Variants in HACL2 observed in about 807,000 individuals in gnomAD.
HACL2 encodes 2-hydroxyacyl-CoA lyase 2, also known as 2-hydroxyacyl-CoA lyase 1 like.
the HACL2 span, chr19:15,117,854 T>C: frequency 1.9e-6 from 3 of 1,613,478 alleles, no homozygotes; most frequent in Non-Finnish European, 2.5e-6. Flanking sequence ...GGAGCACATA[T>C]GTGTACGGGG....
At chr19:15,125,049 G>A in the HACL2 span, 1 of 1,553,360 alleles carries the variant, frequency 6.4e-7, no homozygotes, top group Non-Finnish European at 8.7e-7. Context: ...GGCGGCCGCG[G>A]GGGTCTCCAT....
chr19:15,121,768 C>T, the HACL2 span, among the ~76,000 whole-genome samples: 5 of 147,548 alleles, frequency 3.4e-5, no homozygotes, highest in East Asian at 2.1e-4. Flanking sequence ...GCCGAGATCA[C>T]GCCACTGCAC....
At chr19:15,116,177 G>A in the HACL2 span, 53 of 1,613,594 alleles carry the variant, frequency 3.3e-5, no homozygotes, top group African/African-American at 9.3e-5. Flanking sequence ...GCAGGGGGCC[G>A]CGGGGCTGTA....
the HACL2 span, chr19:15,125,209 G>T: frequency 1.2e-6 from 1 of 826,048 alleles, no homozygotes; most frequent in Non-Finnish European, 1.9e-6. Flanking sequence ...AACCCTGCCA[G>T]ACCACGCCCT....
At chr19:15,123,661 T>C in the HACL2 span, 2 of 1,262,474 alleles carry the variant, frequency 1.6e-6, no homozygotes, top group Admixed American at 1.9e-5. The surrounding 1 kb of genome is among the most constrained non-coding windows in gnomAD (Gnocchi z 5.1). Flanking sequence ...CTGCCCCAGG[T>C]AAGGGGGCAG....
the HACL2 span, chr19:15,119,841 G>T: frequency 1.6e-6 from 1 of 624,562 alleles, no homozygotes; most frequent in Non-Finnish European, 2.8e-6. Flanking sequence ...GTGAGCCACC[G>T]CGTCCAGCCA....
At chr19:15,116,344 A>T in the HACL2 span, 18 of 1,613,958 alleles carry the variant, frequency 1.1e-5, no homozygotes, top group Admixed American at 8.3e-5. Flanking sequence ...AGCGAAGGTC[A>T]CCAGGGTTGG....
the HACL2 span, chr19:15,123,521 G>T: frequency 6.2e-7 from 1 of 1,614,042 alleles, no homozygotes; most frequent in South Asian, 1.1e-5. This position sits in a 1 kb window ranked among gnomAD's most constrained non-coding sequence, Gnocchi z 5.1. Context: ...CACACCATGG[G>T]CCCTCAGCAC....
chr19:15,123,637 AG>A, the HACL2 span: 8 of 1,516,520 alleles, frequency 5.3e-6, no homozygotes, highest in Non-Finnish European at 7.3e-6. The surrounding 1 kb of genome is among the most constrained non-coding windows in gnomAD (Gnocchi z 5.1). Context: ...CAGCTGGGAA[AG>A]GGGGCAATCC....
the HACL2 span, chr19:15,123,111 G>A: frequency 6.2e-7 from 1 of 1,613,366 alleles, no homozygotes. The surrounding 1 kb of genome is among the most constrained non-coding windows in gnomAD (Gnocchi z 5.1). Flanking sequence ...CCAAGGACTG[G>A]GTACCTGCAG....
At chr19:15,116,239 A>C in the HACL2 span, 2 of 1,613,896 alleles carry the variant, frequency 1.2e-6, no homozygotes, top group Non-Finnish European at 1.7e-6. Context: ...ACCAGAATTG[A>C]GTTGTCAGGT....
At chr19:15,118,018 G>T in the HACL2 span, 5 of 1,614,014 alleles carry the variant, frequency 3.1e-6, no homozygotes, top group Admixed American at 8.3e-5. Flanking sequence ...CACAGTTCCT[G>T]GTGTGGGGGA....
chr19:15,118,762 C>T, the HACL2 span, among the ~76,000 whole-genome samples: 6 of 152,196 alleles, frequency 3.9e-5, no homozygotes. Context: ...GGGTGAAGAA[C>T]TCTATGACCC....
the HACL2 span, chr19:15,122,941 A>G: frequency 1.2e-6 from 2 of 1,605,684 alleles, no homozygotes; most frequent in Non-Finnish European, 1.7e-6. The surrounding 1 kb of genome is among the most constrained non-coding windows in gnomAD (Gnocchi z 4.0). Flanking sequence ...GGGTGGGCAC[A>G]ATGTCCCGCA....
the HACL2 span, among the ~76,000 whole-genome samples, chr19:15,118,481 G>A: frequency 6.6e-6 from 1 of 152,086 alleles, no homozygotes; most frequent in East Asian, 1.9e-4. Context: ...GGAAACCGGA[G>A]CCACACATAG....
At chr19:15,124,844 A>C in the HACL2 span, 1 of 1,525,520 alleles carries the variant, frequency 6.6e-7, no homozygotes, top group African/African-American at 1.4e-5. Flanking sequence ...CACCCTGCAC[A>C]ATGAGTGAGC....
At chr19:15,123,667 G>C in the HACL2 span, 1 of 1,183,876 alleles carries the variant, frequency 8.4e-7, no homozygotes, top group Non-Finnish European at 1.2e-6. This position sits in a 1 kb window ranked among gnomAD's most constrained non-coding sequence, Gnocchi z 5.1. Context: ...CAGGTAAGGG[G>C]GCAGGAGCAG....
At chr19:15,123,599 C>G in the HACL2 span, 7 of 1,600,778 alleles carry the variant, frequency 4.4e-6, no homozygotes, top group South Asian at 7.7e-5. This position sits in a 1 kb window ranked among gnomAD's most constrained non-coding sequence, Gnocchi z 5.1. Context: ...ACAGGTGGAG[C>G]AATAAAGTTA....
chr19:15,120,068 A>C, the HACL2 span: 2 of 1,549,250 alleles, frequency 1.3e-6, no homozygotes, highest in Admixed American at 3.9e-5. Flanking sequence ...TTGGCCAGGT[A>C]ATTCTCTAAA....
Sources: allele counts gnomAD v4.1 joint callset (sites outside exome capture counted in the v4.1 genomes callset), GRCh38; gene constraint gnomAD v4.1.1; non-coding constraint Gnocchi (gnomAD v3.1); transcripts MANE v1.5; gene names NCBI Gene and HGNC (gene_info 2026-07-23, HGNC 2026-07-21).